The following FBXO30 variants were observed in gnomAD, a reference collection of about 807,000 sequenced individuals.
FBXO30 encodes the protein F-box protein 30.
Under a neutral mutation model 58.1 loss-of-function variants are expected in FBXO30, and 21 were observed. The ratio of observed to expected loss-of-function variants is 0.36; its 90% CI spans 0.26 to 0.52. FBXO30 has a LOEUF of 0.52. Among genes scored for constraint, FBXO30 ranks in the 20% least tolerant of loss-of-function variants. The pLI is 0.93. For synonymous variants in FBXO30, 309 were observed against 312.4 expected (o/e 0.99, Z 0.11); for missense variants, 744 against 897.3 (o/e 0.83, Z 2.18).
At position 145,793,638 on chromosome 6, in the gene FBXO30, C is replaced by G. The variant is rs1222344100; in HGVS notation, c.*6468G>C. The stretch of plus-strand genomic sequence containing the variant: ...TTTTTTCAAAGCATGGTTTTAAAAA[C>G]ACATCTTTAAAAAGCGTGATTGGGA... On this transcript the variant is annotated 3_prime_UTR_variant, in exon 3 of 3. Coordinates refer to ENST00000237281, the MANE Select transcript of FBXO30 (RefSeq NM_032145.5). 1.3e-5 allele frequency: 2 copies of G among 151,606 alleles called. No individual in the cohort carries two copies. Among genetic ancestry groups the G allele is most frequent in the Non-Finnish European group, 3.0e-5 (2 of 67,790 alleles). 9.4% of individuals were successfully genotyped at this position (151,606 alleles called of 1,614,324 possible).
intron 2 of FBXO30, among the ~76,000 whole-genome samples, chr6:145,803,693 C>A (rs1778075453): frequency 6.6e-6 from 1 of 152,200 alleles, no homozygotes; most frequent in Middle Eastern, 3.4e-3. Flanking sequence ...CTTAGGTCTG[C>A]CTAAATCTCC....
rs562470761 is a variant in FBXO30, at chr6:145,797,638, G to A, written c.*2468C>T. ...GGACCACACTTTAGGAACCACTGCTGTAAGATCTGTGAGTCTCAAAATCTA... is the reference window on the plus strand; with the variant it reads ...GGACCACACTTTAGGAACCACTGCTATAAGATCTGTGAGTCTCAAAATCTA... On this transcript the variant is annotated 3_prime_UTR_variant, in exon 3 of 3. Coordinates refer to ENST00000237281, the MANE Select transcript of FBXO30 (RefSeq NM_032145.5). The A allele has an allele frequency of 1.3e-5, 2 of 152,020 alleles. No homozygotes were observed. The highest frequency in any genetic ancestry group is 2.9e-5 in the Non-Finnish European group (2 of 67,962). The allele number at this position is 152,020 out of a possible 1,614,324, so 9.4% of individuals were successfully genotyped here.
Position 145,806,435 on chromosome 6 carries a change from T to C in FBXO30, c.-16-14A>G. On this transcript the variant is annotated splice_polypyrimidine_tract_variant and intron_variant, in intron 1 of 2. Transcript: ENST00000237281. ...GCCAGTCCAGCTCTGGTTGATGAAA[T>C]GGAAAAAGATAAGAAATTAGCCAAA... 1 of 1,582,896 alleles carries C rather than the reference T, an allele frequency of 6.3e-7. No individual in the cohort carries two copies. The highest frequency in any genetic ancestry group is 1.2e-5 in the South Asian group (1 of 85,740).
In FBXO30 at chr6:145,796,243, A is replaced by C. The variant is rs980316854; in HGVS notation, c.*3863T>G. ...AAATAATTATGTAAAAGATGACTTC[A>C]AAAGCAAACCATCTTTCCTTTTCCC... On this transcript the variant is annotated 3_prime_UTR_variant, in exon 3 of 3. Transcript: ENST00000237281. 2.0e-5 allele frequency: 3 copies of C among 151,988 alleles called. No individual in the cohort carries two copies. Among genetic ancestry groups the C allele is most frequent in the Admixed American group, 1.3e-4 (2 of 15,244 alleles). The allele number at this position is 151,988 out of a possible 1,614,324, so 9.4% of individuals were successfully genotyped here.
chr6:145,806,642 A>G (rs1025127373), intron 1 of FBXO30, among the ~76,000 whole-genome samples: 20 of 152,236 alleles, frequency 1.3e-4, no homozygotes, highest in Admixed American at 1.2e-3. Context: ...GTAGAATGTC[A>G]TAACGGTTCA....
rs982923866 is a variant in FBXO30, at chr6:145,804,651, C to T, written c.1755G>A (p.Arg585=). ...GAKIIHDRHL[R]SFGVQPCVST... is the part of the protein sequence containing the mutation. ...ATACACATGGCTGAACTCCAAATGACCTCAAATGGCGGTCATGTATAATCT... is the reference window on the plus strand; with the variant it reads ...ATACACATGGCTGAACTCCAAATGATCTCAAATGGCGGTCATGTATAATCT... Residue 585 remains arginine, a synonymous_variant, in exon 2 of 3, where the codon AGG becomes AGA. Transcript: ENST00000237281. 3.1e-6 allele frequency: 5 copies of T among 1,613,864 alleles called. No homozygotes were observed. The highest frequency in any genetic ancestry group is 4.2e-6 in the Non-Finnish European group (5 of 1,179,886).
chr6:145,813,567 A>G (rs1378753163), intron 1 of FBXO30, among the ~76,000 whole-genome samples: 1 of 152,256 alleles, frequency 6.6e-6, no homozygotes, highest in Non-Finnish European at 1.5e-5. Flanking sequence ...ACTGCTTTGG[A>G]AAACCTTAGT....
At position 145,805,438 on chromosome 6, in the gene FBXO30, C is replaced by T. The variant is rs750384152; in HGVS notation, c.968G>A (p.Gly323Asp). Residue 323 changes from glycine (G) to aspartate (D), a missense_variant, in exon 2 of 3, where the codon GGC (glycine) becomes GAC (aspartate). By Grantham distance (94) the Gly-to-Asp change is moderately conservative. Around this residue, in one of 3 missense-constraint regions of FBXO30, gnomAD observed 275 missense variants for 262.0 expected, o/e 1.05. Coordinates refer to ENST00000237281, the MANE Select transcript of FBXO30 (RefSeq NM_032145.5). ...TNGDCVASSD[G>D]TSKPSSSLAV... ...AAGTGAGCTGGAAGGTTTTGAAGTG[C>T]CATCTGATGATGCCACACAGTCTCC... is the stretch of plus-strand genomic sequence containing the variant. The T allele has an allele frequency of 6.2e-7, 1 of 1,613,402 alleles. No individual in the cohort carries two copies. Among genetic ancestry groups the T allele is most frequent in the Admixed American group, 1.7e-5 (1 of 59,890 alleles).
chr6:145,805,284 G>A lies in FBXO30; in HGVS notation c.1122C>T (p.Asp374=), dbSNP rs1315791707. ...AAGATAAGACATCCACATTCTTCAC[G>A]TCCCCTAAGTCTACTTTTTTCCAAC... ...ELCWKKVDLG[D]VKNVDVLSFS... is the part of the protein sequence containing the mutation. The change falls in exon 2 of 3, where the codon GAC becomes GAT. Residue 374 remains aspartate, a synonymous_variant. Coordinates refer to ENST00000237281, the MANE Select transcript of FBXO30 (RefSeq NM_032145.5). 11 of 1,613,878 alleles carry A rather than the reference G, an allele frequency of 6.8e-6. No homozygotes were observed. The highest frequency in any genetic ancestry group is 2.2e-5 in the East Asian group (1 of 44,884).
At position 145,798,765 on chromosome 6, in the gene FBXO30, A is replaced by G. The variant is rs1366840416; in HGVS notation, c.*1341T>C. 1 of 152,028 alleles carries G rather than the reference A, an allele frequency of 6.6e-6. No homozygotes were observed. Among genetic ancestry groups the G allele is most frequent in the Non-Finnish European group, 1.5e-5 (1 of 67,972 alleles). 9.4% of individuals were successfully genotyped at this position (152,028 alleles called of 1,614,324 possible). On this transcript the variant is annotated 3_prime_UTR_variant, in exon 3 of 3. Coordinates refer to ENST00000237281, the MANE Select transcript of FBXO30 (RefSeq NM_032145.5). ...ATATAAGGGAATCAAGAACCTAGTA[A>G]TCGTGGAGTACTCTCAGGGACAAAT...
rs574425293 is a variant in FBXO30, at chr6:145,800,238, G to C, written c.2106C>G (p.Asp702Glu). The C allele has an allele frequency of 1.7e-5, 28 of 1,612,892 alleles. No homozygotes were observed. The highest frequency in any genetic ancestry group is 2.3e-5 in the Non-Finnish European group (27 of 1,179,348). Residue 702 changes from aspartate to glutamate, a missense_variant, in exon 3 of 3, where the codon GAC (aspartate) becomes GAG (glutamate). Asp to Glu is a conservative substitution (Grantham distance 45). This residue lies in a region of FBXO30 where 334 missense variants were observed against 433.7 expected (regional missense o/e 0.77). Coordinates refer to ENST00000237281, the MANE Select transcript of FBXO30 (RefSeq NM_032145.5). Reference sequence around the variant, plus strand: ...CATTGTAACTGCATTTCTTCAAGTGGTCTGCCATGCTTAGGATGTCAGCAA... The same window carrying C: ...CATTGTAACTGCATTTCTTCAAGTGCTCTGCCATGCTTAGGATGTCAGCAA... ...WKFADILSMA[D>E]HLKKCSYNVV...
At position 145,795,955 on chromosome 6, in the gene FBXO30, T is replaced by C. The variant is rs956487237; in HGVS notation, c.*4151A>G. 1 of 151,972 alleles carries C rather than the reference T, an allele frequency of 6.6e-6. No homozygotes were observed. Among genetic ancestry groups the C allele is most frequent in the Non-Finnish European group, 1.5e-5 (1 of 67,860 alleles). 9.4% of individuals were successfully genotyped at this position (151,972 alleles called of 1,614,324 possible). The stretch of plus-strand genomic sequence containing the variant: ...TCACACTTGGTTAGTTAGTTTCCTT[T>C]TGGTATTGCTCCAAAATGCTTTCCA... On this transcript the variant is annotated 3_prime_UTR_variant, in exon 3 of 3. Coordinates refer to ENST00000237281, the MANE Select transcript of FBXO30 (RefSeq NM_032145.5).
intron 2 of FBXO30, 89 bp from the exon 3 acceptor site, chr6:145,800,398 AT>A (rs1777960189): frequency 1.0e-6 from 1 of 977,506 alleles, no homozygotes; most frequent in African/African-American, 1.6e-5. Context: ...CATTTCTGCT[AT>A]TATAGAAGCA....
At chr6:145,814,550 C>G (rs1053753920) in intron 1 of FBXO30, 53 bp downstream of exon 1, 46 of 151,794 alleles carry the variant, frequency 3.0e-4, no homozygotes, top group Non-Finnish European at 2.9e-5. Flanking sequence ...TGCCTTCGTC[C>G]CCGCCGCAGC....
intron 2 of FBXO30, among the ~76,000 whole-genome samples, chr6:145,802,421 T>C (rs1415033987): frequency 1.3e-5 from 2 of 152,106 alleles, no homozygotes; most frequent in Admixed American, 1.3e-4. Flanking sequence ...CTGAGTAGCA[T>C]ATTGCAGGTG....
In FBXO30 at chr6:145,793,535, A is replaced by G. The variant is rs139708519; in HGVS notation, c.*6571T>C. On this transcript the variant is annotated 3_prime_UTR_variant, in exon 3 of 3. Transcript: ENST00000237281. The stretch of plus-strand genomic sequence containing the variant: ...AGTACAATTTATTTAGTCTTACTCT[A>G]ATACAACAAGTTGCATTTGTTCTTT... 1.2e-3 allele frequency: 178 copies of G among 152,244 alleles called. No individual in the cohort carries two copies. Among genetic ancestry groups the G allele is most frequent in the African/African-American group, 3.8e-3 (158 of 41,580 alleles). The allele number at this position is 152,244 out of a possible 1,614,324, so 9.4% of individuals were successfully genotyped here. A position where few individuals can be genotyped will look rare whatever the true frequency, so the allele number is the denominator to read the frequency against.
At position 145,805,355 on chromosome 6, in the gene FBXO30, C is replaced by A; in HGVS notation, c.1051G>T (p.Val351Phe). The stretch of plus-strand genomic sequence containing the variant: ...TCATCTGGCATGAGGATATGCTGAA[C>A]TGTGCCATTAGGCAAAGCACTGGAT... ...IPSSALPNGT[V>F]QHILMPDDEG... is the part of the protein sequence containing the mutation. The change falls in exon 2 of 3, where the codon GTT (valine) becomes TTT (phenylalanine). Residue 351 changes from valine to phenylalanine, a missense_variant. Val to Phe is a conservative substitution (Grantham distance 50). Around this residue, in one of 3 missense-constraint regions of FBXO30, gnomAD observed 275 missense variants for 262.0 expected, o/e 1.05. Transcript: ENST00000237281. The A allele has an allele frequency of 4.3e-6, 7 of 1,614,096 alleles. No homozygotes were observed. Among genetic ancestry groups the A allele is most frequent in the Non-Finnish European group, 5.9e-6 (7 of 1,179,978 alleles).
At position 145,804,706 on chromosome 6, in the gene FBXO30, C is replaced by A; in HGVS notation, c.1700G>T (p.Arg567Leu). ...TCCTTGTATTGATGGACAAAATCTACGCTGAGAATAGGTACAACCATAGTA... is the reference window on the plus strand; with the variant it reads ...TCCTTGTATTGATGGACAAAATCTAAGCTGAGAATAGGTACAACCATAGTA... The part of the protein sequence containing the change: ...LAYYGCTYSQ[R>L]RFCPSIQGAK... The change falls in exon 2 of 3, where the codon CGT becomes CTT. Residue 567 changes from arginine (R) to leucine (L), a missense_variant. Around this residue, in one of 3 missense-constraint regions of FBXO30, gnomAD observed 334 missense variants for 433.7 expected, o/e 0.77. Transcript: ENST00000237281. 6.2e-7 allele frequency: 1 copy of A among 1,613,910 alleles called. No individual in the cohort carries two copies.
rs752912780 is a variant in FBXO30, at chr6:145,796,312, G to A, written c.*3794C>T. On this transcript the variant is annotated 3_prime_UTR_variant, in exon 3 of 3. Transcript: ENST00000237281. ...ATTAGAGTTGATCTTTTCTGAATTC[G>A]AACTTTGCTTTTTTGGAAATCAGAC... 1.3e-5 allele frequency: 2 copies of A among 151,736 alleles called. No individual in the cohort carries two copies. Among genetic ancestry groups the A allele is most frequent in the African/African-American group, 2.4e-5 (1 of 41,332 alleles). 9.4% of individuals were successfully genotyped at this position (151,736 alleles called of 1,614,324 possible).
Sources: gnomAD v4.1 joint callset for allele counts (sites outside exome capture counted in the v4.1 genomes callset) on GRCh38, gnomAD v4.1.1 for gene constraint, gnomAD v4.1.1 regional missense constraint, MANE v1.5 for transcripts, NCBI Gene and HGNC (gene_info 2026-07-23, HGNC 2026-07-21) for gene names.